Variants in AKAP10 observed in about 807,000 individuals in gnomAD.
The protein encoded by AKAP10 is A-kinase anchor protein 10, mitochondrial.
Under a neutral mutation model 80.8 loss-of-function variants are expected in AKAP10, and 24 were observed. The ratio of observed to expected loss-of-function variants is 0.30; its 90% CI spans 0.22 to 0.42. The LOEUF (loss-of-function observed/expected upper bound fraction) is 0.42, where lower values mean the gene tolerates loss of function less well. Among genes scored for constraint, AKAP10 ranks in the 10% least tolerant of loss-of-function variants. The pLI is 1.00. For synonymous variants in AKAP10, 291 were observed against 277.7 expected (o/e 1.05, Z -0.48); for missense variants, 661 against 794.9 (o/e 0.83, Z 2.03).
At chr17:19,953,005 T>A (rs8069852) in intron 4 of AKAP10, among the ~76,000 whole-genome samples, 184 of 152,270 alleles carry the variant, frequency 1.2e-3, no homozygotes, top group African/African-American at 4.1e-3. Flanking sequence ...ATTCACATTT[T>A]AAAAAATTTT....
At position 19,905,029 on chromosome 17, in the gene AKAP10, T is replaced by C. The variant is rs1232571436; in HGVS notation, c.*1198A>G. The C allele has an allele frequency of 8.1e-6, 1 of 123,138 alleles. No homozygotes were observed. The highest frequency in any genetic ancestry group is 3.4e-5 in the African/African-American group (1 of 29,154). 7.6% of individuals were successfully genotyped at this position (123,138 alleles called of 1,614,324 possible). A position where few individuals can be genotyped will look rare whatever the true frequency, so the allele number is the denominator to read the frequency against. On this transcript the variant is annotated 3_prime_UTR_variant, in exon 15 of 15. Coordinates refer to ENST00000225737, the MANE Select transcript of AKAP10 (RefSeq NM_007202.4). Reference sequence around the variant, plus strand: ...TTATATATTTATACATATATATATATATTTTTTTTTTTGCAAAGTCTGAGC... The same window carrying C: ...TTATATATTTATACATATATATATACATTTTTTTTTTTGCAAAGTCTGAGC...
Position 19,931,889 on chromosome 17 carries a change from G to T in AKAP10, c.1557C>A (p.Gly519=). The part of the protein sequence containing the change: ...IHSVRGDEFL[G]GNVSLTAPGS... ...CAGGAGCAGTCAGCGACACGTTCCC[G>T]CCCAGAAATTCATCTCCTCGAACCG... The change falls in exon 10 of 15, where the codon GGC becomes GGA. Residue 519 remains glycine, a synonymous_variant. Coordinates refer to ENST00000225737, the MANE Select transcript of AKAP10 (RefSeq NM_007202.4). 6.2e-7 allele frequency: 1 copy of T among 1,613,978 alleles called. No homozygotes were observed. Among genetic ancestry groups the T allele is most frequent in the Non-Finnish European group, 8.5e-7 (1 of 1,180,004 alleles).
At chr17:19,936,140 C>A in intron 9 of AKAP10, 146 bp downstream of exon 9, 2 of 865,470 alleles carry the variant, frequency 2.3e-6, no homozygotes, top group Non-Finnish European at 3.4e-6. Context: ...ACATACCAGG[C>A]CAGACTCAAG....
intron 5 of AKAP10, among the ~76,000 whole-genome samples, chr17:19,943,992 T>C (rs2043077332): frequency 6.6e-6 from 1 of 152,116 alleles, no homozygotes; most frequent in South Asian, 2.1e-4. Context: ...AACTGAGTTT[T>C]TTTTTTTTCT....
Position 19,958,280 on chromosome 17 carries a change from T to C in AKAP10, c.611A>G (p.Asp204Gly), listed in dbSNP as rs1337756153. Residue 204 changes from aspartate to glycine, a missense_variant, in exon 4 of 15, where the codon GAT becomes GGT. Transcript: ENST00000225737. ...TGAGCCAGAATCCTCCAATCTCTTA[T>C]CAAGAGAATCAGTTAAAAAAGACGC... ...TTASFLTDSL[D>G]KRLEDSGSAQ... The C allele has an allele frequency of 6.2e-7, 1 of 1,614,180 alleles. No homozygotes were observed. The highest frequency in any genetic ancestry group is 2.2e-5 in the East Asian group (1 of 44,884).
At chr17:19,932,548 A>T (rs2042947677) in intron 9 of AKAP10, among the ~76,000 whole-genome samples, 1 of 151,978 alleles carries the variant, frequency 6.6e-6, no homozygotes, top group African/African-American at 2.4e-5. Flanking sequence ...GTTGATATTA[A>T]TACTTTTTAG....
intron 12 of AKAP10, among the ~76,000 whole-genome samples, chr17:19,916,189 C>G (rs2042740668): frequency 1.3e-5 from 2 of 152,232 alleles, no homozygotes; most frequent in South Asian, 4.1e-4. Flanking sequence ...TCAGTGAGGC[C>G]TTTCCTGACA....
At chr17:19,957,826 G>A (rs2043297298) in intron 4 of AKAP10, among the ~76,000 whole-genome samples, 188 bp downstream of exon 4, 1 of 89,290 alleles carries the variant, frequency 1.1e-5, no homozygotes, top group Non-Finnish European at 2.3e-5. Flanking sequence ...AGAAGGTCCA[G>A]TCACTCCTGC....
rs567082377 is a variant in AKAP10, at chr17:19,936,983, G to A, written c.1323-553C>T. Among the ~76,000 whole-genome samples, 57 of 151,942 alleles carry A rather than the reference G, an allele frequency of 3.8e-4. 1 individual carries two copies. Among genetic ancestry groups the A allele is most frequent in the Admixed American group, 1.1e-3 (17 of 15,248 alleles). ...ATAGAACAGGACTTACTGATGACTCGGTGTGGAAAGGGAGTAACCAATATT... is the reference window on the plus strand; with the variant it reads ...ATAGAACAGGACTTACTGATGACTCAGTGTGGAAAGGGAGTAACCAATATT... On this transcript the variant is annotated intron_variant, in intron 8 of 14. Transcript: ENST00000225737.
At chr17:19,918,374 G>A (rs537987898) in intron 12 of AKAP10, among the ~76,000 whole-genome samples, 1 of 152,224 alleles carries the variant, frequency 6.6e-6, no homozygotes, top group Admixed American at 6.5e-5. Flanking sequence ...GTGAAACCCT[G>A]TCTCTACTAA....
intron 14 of AKAP10, among the ~76,000 whole-genome samples, chr17:19,906,587 G>A (rs950913917): frequency 1.3e-5 from 2 of 152,180 alleles, no homozygotes; most frequent in Non-Finnish European, 1.5e-5. Context: ...AAGAGGGATG[G>A]TAAAGACACA....
chr17:19,935,035 C>A (rs984045942), intron 9 of AKAP10, among the ~76,000 whole-genome samples: 10 of 151,964 alleles, frequency 6.6e-5, no homozygotes, highest in Admixed American at 4.6e-4. Flanking sequence ...ATCAATCAAT[C>A]AATAAACAGA....
chr17:19,946,267 A>ATATAT (rs2043125553), intron 5 of AKAP10, among the ~76,000 whole-genome samples: 1 of 27,070 alleles, frequency 3.7e-5, no homozygotes, highest in Non-Finnish European at 6.1e-5. Context: ...ATATATATAT[A>ATATAT]TATATATATT....
chr17:19,931,707 A>C, intron 10 of AKAP10, 98 bp downstream of exon 10: 2 of 1,390,326 alleles, frequency 1.4e-6, no homozygotes, highest in Non-Finnish European at 1.9e-6. Flanking sequence ...TTTTTTTTCC[A>C]CAACTTAAAA....
rs2042625442 is a variant in AKAP10, at chr17:19,905,714, G to C, written c.*513C>G. Reference sequence around the variant, plus strand: ...AGACTGCATAATTAACTCTCACCCTGTTCCGCTGAAGCTGCTAGCACCACG... The same window carrying C: ...AGACTGCATAATTAACTCTCACCCTCTTCCGCTGAAGCTGCTAGCACCACG... On this transcript the variant is annotated 3_prime_UTR_variant, in exon 15 of 15. Transcript: ENST00000225737. 1 of 152,908 alleles carries C rather than the reference G, an allele frequency of 6.5e-6. No individual in the cohort carries two copies. The highest frequency in any genetic ancestry group is 2.4e-5 in the African/African-American group (1 of 41,266). 9.5% of individuals were successfully genotyped at this position (152,908 alleles called of 1,614,324 possible).
chr17:19,926,033 G>A (rs1388105528), intron 10 of AKAP10, among the ~76,000 whole-genome samples: 14 of 152,106 alleles, frequency 9.2e-5, no homozygotes, highest in Admixed American at 7.2e-4. Flanking sequence ...CTGATAGAGT[G>A]TAAATGTTAT....
At chr17:19,925,469 A>G (rs2042866027) in intron 10 of AKAP10, among the ~76,000 whole-genome samples, 1 of 152,162 alleles carries the variant, frequency 6.6e-6, no homozygotes, top group South Asian at 2.1e-4. Flanking sequence ...CCCCACCTCC[A>G]CAAGAAAAAC....
At chr17:19,908,269 G>A (rs925890791) in intron 14 of AKAP10, among the ~76,000 whole-genome samples, 2 of 152,152 alleles carry the variant, frequency 1.3e-5, no homozygotes, top group African/African-American at 2.4e-5. Context: ...TAGGTAATTT[G>A]ACCCTTTAAA....
At chr17:19,936,748 AC>A (rs1381706933) in intron 8 of AKAP10, among the ~76,000 whole-genome samples, 14 of 152,228 alleles carry the variant, frequency 9.2e-5, no homozygotes, top group Non-Finnish European at 1.8e-4. Flanking sequence ...ATTTATGGGT[AC>A]CTATTCTCTG....
Sources: gnomAD v4.1 joint callset for allele counts (sites outside exome capture counted in the v4.1 genomes callset) on GRCh38, gnomAD v4.1.1 for gene constraint, MANE v1.5 for transcripts, NCBI Gene and HGNC (gene_info 2026-07-23, HGNC 2026-07-21) for gene names.